The following NUP153 variants were observed in gnomAD, a reference collection of about 807,000 sequenced individuals.
The protein encoded by NUP153 is nucleoporin 153.
NUP153 carries 27 observed loss-of-function variants against 134.6 expected under a neutral mutation model. The ratio of observed to expected loss-of-function variants is 0.20; its 90% confidence interval spans 0.15 to 0.28. The LOEUF (loss-of-function observed/expected upper bound fraction) is 0.28, where lower values mean the gene tolerates loss of function less well. NUP153 is among the 10% of genes least tolerant of loss of function. The probability of loss-of-function intolerance (pLI) is 1.00; values close to 1 mark genes in which losing one functional copy is unlikely to be tolerated. For missense variants in NUP153, 1,821 were observed against 1,731.3 expected, an observed-to-expected ratio of 1.05 and a Z score of -0.92; for synonymous variants, 640 against 623.5, an observed-to-expected ratio of 1.03 and a Z score of -0.40.
At position 17,628,622 on chromosome 6, in the gene NUP153, T is replaced by C. The variant is rs548525234; in HGVS notation, c.3544+33A>G. ...AAACGACAACTTGTAAAAAAAAAAA[T>C]AATAATAATAATAATAAAAAGTTAA... On this transcript the variant is annotated intron_variant, in intron 18 of 21. Transcript: ENST00000262077. This position sits in a 1 kb window ranked among gnomAD's most constrained non-coding sequence, Gnocchi z 5.4. The C allele has an allele frequency of 4.0e-6, 2 of 506,230 alleles. No homozygotes were observed. Among genetic ancestry groups the C allele is most frequent in the Non-Finnish European group, 5.3e-6 (2 of 379,422 alleles). 31.4% of individuals were successfully genotyped at this position (506,230 alleles called of 1,614,324 possible).
At chr6:17,622,141 C>A (rs6933829) in intron 20 of NUP153, among the ~76,000 whole-genome samples, 32,443 of 151,930 alleles carry the variant, frequency 0.21, 4,010 homozygotes, top group Non-Finnish European at 0.27. Context: ...ATGCTGCTAC[C>A]CAGAGTCAAG....
rs1317163770 is a variant in NUP153 at position 17,637,547 on chromosome 6, A to G, written c.2070T>C (p.Asp690=). The change falls in exon 16 of 22, where the codon GAT becomes GAC. Residue 690 remains aspartate, a synonymous_variant. Coordinates refer to ENST00000262077, the MANE Select transcript of NUP153 (RefSeq NM_005124.4). The part of the protein sequence containing the change: ...ACQAAKLSPR[D]TAKQTGIETP... Reference sequence around the variant, plus strand: ...TTTCAATTCCAGTCTGTTTAGCAGTATCTCTGGGTGACAATTTTGCTGCTT... The same window carrying G: ...TTTCAATTCCAGTCTGTTTAGCAGTGTCTCTGGGTGACAATTTTGCTGCTT... The G allele has an allele frequency of 6.2e-7, 1 of 1,614,200 alleles. No individual in the cohort carries two copies. The highest frequency in any genetic ancestry group is 8.5e-7 in the Non-Finnish European group (1 of 1,180,030).
At chr6:17,621,530 T>C (rs1037791118) in intron 20 of NUP153, among the ~76,000 whole-genome samples, 7 of 152,162 alleles carry the variant, frequency 4.6e-5, no homozygotes, top group Non-Finnish European at 1.0e-4. Context: ...TAAAAGAAAA[T>C]AACATCTTGT....
intron 14 of NUP153, among the ~76,000 whole-genome samples, chr6:17,644,910 C>T (rs1581695806): frequency 6.6e-6 from 1 of 152,190 alleles, no homozygotes; most frequent in African/African-American, 2.4e-5. Context: ...ATGTTGAAAC[C>T]CTGTCTCTAT....
chr6:17,621,888 G>C (rs969712576), intron 20 of NUP153, among the ~76,000 whole-genome samples: 1 of 152,050 alleles, frequency 6.6e-6, no homozygotes, highest in Non-Finnish European at 1.5e-5. Context: ...TATCCTAAAT[G>C]CCCTAATTTA....
intron 5 of NUP153, among the ~76,000 whole-genome samples, chr6:17,670,719 A>G (rs907797717): frequency 6.6e-6 from 1 of 151,532 alleles, no homozygotes; most frequent in African/African-American, 2.4e-5. Context: ...ATCATGACTA[A>G]ATGTTGGATT....
chr6:17,626,922 G>A (rs1764980015), intron 18 of NUP153, among the ~76,000 whole-genome samples: 1 of 152,136 alleles, frequency 6.6e-6, no homozygotes, highest in African/African-American at 2.4e-5. Flanking sequence ...TAGTTATTTG[G>A]CATGTTACAA....
At chr6:17,662,696 C>T (rs1423667105) in intron 9 of NUP153, among the ~76,000 whole-genome samples, 1 of 152,126 alleles carries the variant, frequency 6.6e-6, no homozygotes, top group African/African-American at 2.4e-5. Flanking sequence ...CTCACAGACA[C>T]CACTTTATGT....
chr6:17,635,625 C>T (rs1336509981), intron 16 of NUP153, among the ~76,000 whole-genome samples: 1 of 152,136 alleles, frequency 6.6e-6, no homozygotes, highest in Non-Finnish European at 1.5e-5. Context: ...TGGTCTTAAA[C>T]TGGGTTCAAG....
chr6:17,662,562 T>G (rs918757686), intron 9 of NUP153, among the ~76,000 whole-genome samples: 2 of 152,180 alleles, frequency 1.3e-5, no homozygotes, highest in African/African-American at 4.8e-5. Context: ...CTCAAAAAGA[T>G]ACAGGCAAGA....
chr6:17,628,475 A>G lies in NUP153; in HGVS notation c.3544+180T>C, dbSNP rs1253020774. 6.6e-6 allele frequency among the ~76,000 whole-genome samples: 1 copy of G among 152,154 alleles called. No homozygotes were observed. Among genetic ancestry groups the G allele is most frequent in the Admixed American group, 6.5e-5 (1 of 15,270 alleles). On this transcript the variant is annotated intron_variant, in intron 18 of 21. Coordinates refer to ENST00000262077, the MANE Select transcript of NUP153 (RefSeq NM_005124.4). The surrounding 1 kb of genome is among the most constrained non-coding windows in gnomAD (Gnocchi z 5.4). ...CACAGATGACTTCACCAGAATCATGAGGGTTTTAAAGAGCAGTTCAAACTG... is the reference window on the plus strand; with the variant it reads ...CACAGATGACTTCACCAGAATCATGGGGGTTTTAAAGAGCAGTTCAAACTG...
chr6:17,624,495 T>C (rs1483156254), intron 20 of NUP153, 66 bp downstream of exon 20: 1 of 1,502,122 alleles, frequency 6.7e-7, no homozygotes, highest in Non-Finnish European at 9.1e-7. Flanking sequence ...GTTTCCAAGC[T>C]CAAAGGAAAA....
intron 1 of NUP153, among the ~76,000 whole-genome samples, chr6:17,697,624 G>A (rs1769739533): frequency 6.6e-6 from 1 of 152,138 alleles, no homozygotes; most frequent in Non-Finnish European, 1.5e-5. Flanking sequence ...GGAGGCAGAG[G>A]TTGCAGTGAG....
rs141410680 is a variant in NUP153, at chr6:17,624,928, C to T, written c.3902-95G>A. On this transcript the variant is annotated intron_variant, in intron 19 of 21. Transcript: ENST00000262077. ...AAACCCACAAGCAAATGTCAAGCTT[C>T]GTTTCAGACTCTTACCTTGCTAACC... 4.0e-4 allele frequency: 501 copies of T among 1,249,046 alleles called. 3 individuals carry two copies. The African/African-American group carries it at 6.7e-3, about 17-fold the overall frequency. 77.4% of individuals were successfully genotyped at this position (1,249,046 alleles called of 1,614,324 possible).
Position 17,637,610 on chromosome 6 carries a change from G to C in NUP153, c.2007C>G (p.Leu669=), listed in dbSNP as rs1338525600. The C allele has an allele frequency of 6.2e-7, 1 of 1,613,986 alleles. No homozygotes were observed. Among genetic ancestry groups the C allele is most frequent in the Non-Finnish European group, 8.5e-7 (1 of 1,179,996 alleles). ...GSSWQCDTCL[L]QNKVTDNKCI... ...ATTTGTTGTCTGTAACTTTGTTCTGGAGTAGACATGTATCACACTGCCATG... is the reference window on the plus strand; with the variant it reads ...ATTTGTTGTCTGTAACTTTGTTCTGCAGTAGACATGTATCACACTGCCATG... Residue 669 remains leucine (L), a synonymous_variant, in exon 16 of 22, where the codon CTC becomes CTG. Transcript: ENST00000262077.
chr6:17,692,485 G>A (rs1456032704), intron 1 of NUP153, among the ~76,000 whole-genome samples: 2 of 152,164 alleles, frequency 1.3e-5, no homozygotes, highest in African/African-American at 2.4e-5. Flanking sequence ...CTGCGCTCCT[G>A]CCTGGGTGAC....
At chr6:17,632,885 A>G (rs1240612781) in intron 16 of NUP153, 41 bp from the exon 17 acceptor site, 1 of 1,466,320 alleles carries the variant, frequency 6.8e-7, no homozygotes, top group Non-Finnish European at 9.1e-7. Context: ...GGGAGATTTC[A>G]TGAAAATTTT....
intron 1 of NUP153, among the ~76,000 whole-genome samples, chr6:17,702,589 T>C (rs557071622): frequency 6.6e-6 from 1 of 151,690 alleles, no homozygotes; most frequent in East Asian, 1.9e-4. Flanking sequence ...GGCAGGAGAA[T>C]AGCTTGAACC....
intron 2 of NUP153, among the ~76,000 whole-genome samples, chr6:17,682,734 C>T (rs369385782): frequency 3.3e-5 from 5 of 151,908 alleles, no homozygotes; most frequent in East Asian, 2.0e-4. Flanking sequence ...CTTGCCAACA[C>T]GGTGAAACCC....
Sources: gnomAD v4.1 joint callset for allele counts (sites outside exome capture counted in the v4.1 genomes callset) on GRCh38, gnomAD v4.1.1 for gene constraint, Gnocchi (gnomAD v3.1) non-coding constraint, MANE v1.5 for transcripts, NCBI Gene and HGNC (gene_info 2026-07-23, HGNC 2026-07-21) for gene names.